TCAIM: variants seen among roughly 807,000 people sequenced by gnomAD.
TCAIM encodes the protein T-cell activation inhibitor, mitochondrial.
Under a neutral mutation model 58.6 loss-of-function variants are expected in TCAIM, and 36 were observed. That is an observed-to-expected ratio of 0.61 (90% CI 0.47 to 0.81). The LOEUF is 0.81. Ranked by LOEUF, TCAIM falls within the 30% of genes least tolerant of loss-of-function variation. The pLI is 0.00. For synonymous variants in TCAIM, 172 were observed against 193.6 expected, an observed-to-expected ratio of 0.89 and a Z score of 0.93; for missense variants, 466 against 579.6, an observed-to-expected ratio of 0.80 and a Z score of 2.01.
chr3:44,379,365 C>A (rs1023126429), intron 5 of TCAIM, among the ~76,000 whole-genome samples: 1 of 152,076 alleles, frequency 6.6e-6, no homozygotes, highest in Non-Finnish European at 1.5e-5. Flanking sequence ...AATCTCACTA[C>A]GGGGTTTATA....
intron 4 of TCAIM, among the ~76,000 whole-genome samples, chr3:44,365,678 G>A (rs973852502): frequency 1.3e-5 from 2 of 152,178 alleles, no homozygotes; most frequent in African/African-American, 4.8e-5. Flanking sequence ...TCAAAGAACA[G>A]TGCTGCCCAA....
At chr3:44,389,687 C>T (rs904116577) in intron 5 of TCAIM, among the ~76,000 whole-genome samples, 3 of 150,886 alleles carry the variant, frequency 2.0e-5, no homozygotes, top group Admixed American at 6.6e-5. Context: ...AAAATGTTTA[C>T]GAATATTCTT....
chr3:44,372,003 A>AG, intron 5 of TCAIM, among the ~76,000 whole-genome samples: 4 of 146,708 alleles, frequency 2.7e-5, no homozygotes, highest in African/African-American at 1.0e-4. Flanking sequence ...AGAGAGAGAG[A>AG]AAGAGAGAAG....
At chr3:44,359,028 TG>T in intron 3 of TCAIM, 1 of 982,762 alleles carries the variant, frequency 1.0e-6, no homozygotes, top group Non-Finnish European at 1.2e-6. Context: ...AAATTCAAAA[TG>T]TATAGAAAAA....
chr3:44,352,043 T>A (rs1198201271), intron 1 of TCAIM, among the ~76,000 whole-genome samples: 1 of 149,170 alleles, frequency 6.7e-6, no homozygotes, highest in African/African-American at 2.4e-5. Context: ...TATTATATGT[T>A]AGTTATATAT....
At chr3:44,348,958 G>A (rs1039905590) in intron 1 of TCAIM, among the ~76,000 whole-genome samples, 2 of 152,170 alleles carry the variant, frequency 1.3e-5, no homozygotes, top group African/African-American at 4.8e-5. Flanking sequence ...GGTAGGGGAG[G>A]GCTAGTCACA....
Position 44,354,739 on chromosome 3 carries a change from C to A in TCAIM, c.-44C>A. On this transcript the variant is annotated splice_region_variant and 5_prime_UTR_variant, in exon 2 of 11. Transcript: ENST00000342649. ...TTGTGATATCTGCTTAACTTTTAAGCAATTAATGGATGCCTCGAAGTTGAC... is the reference window on the plus strand; with the variant it reads ...TTGTGATATCTGCTTAACTTTTAAGAAATTAATGGATGCCTCGAAGTTGAC... The A allele has an allele frequency of 6.3e-7, 1 of 1,593,762 alleles. No individual in the cohort carries two copies. Among genetic ancestry groups the A allele is most frequent in the South Asian group, 1.2e-5 (1 of 86,614 alleles).
intron 1 of TCAIM, among the ~76,000 whole-genome samples, chr3:44,344,435 G>C (rs1466127245): frequency 6.6e-6 from 1 of 152,184 alleles, no homozygotes; most frequent in African/African-American, 2.4e-5. Flanking sequence ...TCATAAACCA[G>C]ATAGCTTAAA....
chr3:44,352,923 C>CTTTTTTT (rs61357631), intron 1 of TCAIM, among the ~76,000 whole-genome samples: 3 of 131,744 alleles, frequency 2.3e-5, no homozygotes, highest in Non-Finnish European at 3.1e-5. Context: ...AGATTGACTT[C>CTTTTTTT]TTTTTTTTTT....
rs568035350 is a variant in TCAIM at position 44,372,009 on chromosome 3, AGAAGGAAGGAAGGAAGGAAGGAAG to A, written c.572+4346_572+4369del. Among the ~76,000 whole-genome samples the A allele has an allele frequency of 3.8e-3, 443 of 115,560 alleles. 3 individuals carry two copies. Among genetic ancestry groups the A allele is most frequent in the Non-Finnish European group, 4.8e-3 (274 of 57,318 alleles). 75.8% of individuals were successfully genotyped at this position (115,560 alleles called of 152,430 possible). A position where few individuals can be genotyped will look rare whatever the true frequency, so the allele number is the denominator to read the frequency against. ...TAGAGAGAGAGAGAGAGAGAAAGAG[AGAAGGAAGGAAGGAAGGAAGGAAG>A]GAAGGAAGGAAGGAAGGAAGGAAGG... On this transcript the variant is annotated intron_variant, in intron 5 of 10. Coordinates refer to ENST00000342649, the MANE Select transcript of TCAIM (RefSeq NM_173826.4).
At chr3:44,350,438 T>C (rs1223662017) in intron 1 of TCAIM, among the ~76,000 whole-genome samples, 2 of 139,982 alleles carry the variant, frequency 1.4e-5, no homozygotes, top group East Asian at 4.0e-4. Context: ...ATTTTCTTTC[T>C]TTTTTTTTTT....
chr3:44,380,554 A>G (rs1701639697), intron 5 of TCAIM, among the ~76,000 whole-genome samples: 1 of 152,152 alleles, frequency 6.6e-6, no homozygotes, highest in African/African-American at 2.4e-5. Context: ...AAAGATCTCA[A>G]ATCAACAATC....
chr3:44,342,782 A>G (rs969083723), intron 1 of TCAIM, among the ~76,000 whole-genome samples: 2 of 151,854 alleles, frequency 1.3e-5, no homozygotes, highest in Admixed American at 6.6e-5. Flanking sequence ...TGTTGGGGGT[A>G]AAGTGCATAT....
intron 8 of TCAIM, among the ~76,000 whole-genome samples, chr3:44,399,660 C>T (rs1701991986): frequency 2.0e-5 from 3 of 152,096 alleles, no homozygotes; most frequent in Admixed American, 1.3e-4. Context: ...GCTCTTTTTC[C>T]TTCCCCCAAA....
chr3:44,406,182 T>C (rs564627187), intron 10 of TCAIM, among the ~76,000 whole-genome samples: 2 of 152,308 alleles, frequency 1.3e-5, no homozygotes, highest in Admixed American at 1.3e-4. Context: ...GACTGTAGGC[T>C]TCTCCTAAAA....
chr3:44,373,415 C>T (rs760668574), intron 5 of TCAIM, among the ~76,000 whole-genome samples: 9 of 151,810 alleles, frequency 5.9e-5, no homozygotes, highest in Non-Finnish European at 8.8e-5. Flanking sequence ...CCTATAATCT[C>T]GGCACTTTGG....
intron 2 of TCAIM, 89 bp from the exon 3 acceptor site, chr3:44,357,652 G>A: frequency 6.6e-7 from 1 of 1,523,682 alleles, no homozygotes; most frequent in Non-Finnish European, 8.9e-7. Context: ...GCTGTGCATA[G>A]TACGTTTAGT....
At chr3:44,399,130 G>A (rs566734045) in intron 8 of TCAIM, among the ~76,000 whole-genome samples, 15 of 152,240 alleles carry the variant, frequency 9.9e-5, no homozygotes, top group South Asian at 2.1e-4. Flanking sequence ...ATGAATACAC[G>A]TGTGAAAAAT....
chr3:44,372,837 A>AGG (rs1701502601), intron 5 of TCAIM, among the ~76,000 whole-genome samples: 1 of 151,850 alleles, frequency 6.6e-6, no homozygotes, highest in Non-Finnish European at 1.5e-5. Context: ...CTCATGATCC[A>AGG]CCCGTCTTGG....
Sources: allele counts gnomAD v4.1 joint callset (sites outside exome capture counted in the v4.1 genomes callset), GRCh38; gene constraint gnomAD v4.1.1; transcripts MANE v1.5; gene names NCBI Gene and HGNC (gene_info 2026-07-23, HGNC 2026-07-21).